The following DYNC1H1 variants were observed in gnomAD, a reference collection of about 807,000 sequenced individuals.
DYNC1H1 encodes the protein cytoplasmic dynein 1 heavy chain 1.
DYNC1H1 carries 51 observed loss-of-function variants against 527.1 expected under a neutral mutation model. The ratio of observed to expected loss-of-function variants is 0.10; its 90% CI spans 0.08 to 0.12. The LOEUF is 0.12. DYNC1H1 is among the 10% of genes least tolerant of loss of function. The pLI, the probability that DYNC1H1 is intolerant of heterozygous loss-of-function variation, is 1.00. For missense variants in DYNC1H1, 2,771 were observed against 5,971.8 expected (o/e 0.46, Z 17.66); for synonymous variants, 2,189 against 2,278.8 (o/e 0.96, Z 1.12).
At chr14:102,014,530 C>CAAAA (rs35266808) in intron 34 of DYNC1H1, among the ~76,000 whole-genome samples, 1 of 114,518 alleles carries the variant, frequency 8.7e-6, no homozygotes, top group African/African-American at 3.1e-5. Context: ...AACTCCATCT[C>CAAAA]AAAAAAAAAA....
chr14:102,049,422 T>G lies in DYNC1H1; in HGVS notation c.13373-18T>G. 1 of 1,613,814 alleles carries G rather than the reference T, an allele frequency of 6.2e-7. No individual in the cohort carries two copies. Among genetic ancestry groups the G allele is most frequent in the Non-Finnish European group, 8.5e-7 (1 of 1,180,040 alleles). ...TTGTGAGAGCTGACACCCTGGGCTC[T>G]GTGTGCCTTGGCTGCAGGGATCTTG... On this transcript the variant is annotated intron_variant, in intron 74 of 77. Transcript: ENST00000360184. This position sits in a 1 kb window ranked among gnomAD's most constrained non-coding sequence, Gnocchi z 5.5.
At chr14:102,014,112 AGAG>A (rs1246459433) in intron 34 of DYNC1H1, among the ~76,000 whole-genome samples, 1 of 152,202 alleles carries the variant, frequency 6.6e-6, no homozygotes, top group African/African-American at 2.4e-5. Context: ...CTAACTTGTC[AGAG>A]GAGATTAATC....
chr14:101,986,683 A>G lies in DYNC1H1; in HGVS notation c.2458A>G (p.Ile820Val). Residue 820 changes from isoleucine (I) to valine (V), a missense_variant, in exon 8 of 78, where the codon ATT (isoleucine) becomes GTT (valine). Coordinates refer to ENST00000360184, the MANE Select transcript of DYNC1H1 (RefSeq NM_001376.5). This position sits in a 1 kb window ranked among gnomAD's most constrained non-coding sequence, Gnocchi z 8.7. ...AGTGCAGGCCCTGATCGCAGAAGGCATTGCGTTGGTGTGGGAGTCCTACAA... is the reference window on the plus strand; with the variant it reads ...AGTGCAGGCCCTGATCGCAGAAGGCGTTGCGTTGGTGTGGGAGTCCTACAA... Reference protein sequence around the residue: ...KEVQALIAEGIALVWESYKLD... With the variant: ...KEVQALIAEGVALVWESYKLD... The G allele has an allele frequency of 1.2e-6, 2 of 1,614,170 alleles. No individual in the cohort carries two copies. Among genetic ancestry groups the G allele is most frequent in the Non-Finnish European group, 1.7e-6 (2 of 1,180,012 alleles).
intron 8 of DYNC1H1, 53 bp from the exon 9 acceptor site, chr14:101,987,400 A>T: frequency 6.5e-7 from 1 of 1,543,948 alleles, no homozygotes; most frequent in Non-Finnish European, 8.9e-7. Context: ...ATGTGAGAAT[A>T]AAGGAACAGA....
At position 102,039,001 on chromosome 14, in the gene DYNC1H1, G is replaced by A; in HGVS notation, c.11207G>A (p.Gly3736Glu). The A allele has an allele frequency of 6.2e-7, 1 of 1,614,008 alleles. No individual in the cohort carries two copies. The highest frequency in any genetic ancestry group is 8.5e-7 in the Non-Finnish European group (1 of 1,180,022). The change falls in exon 60 of 78, where the codon GGG becomes GAG. Residue 3736 changes from glycine to glutamate, a missense_variant and splice_region_variant. Around this residue, in one of 32 missense-constraint regions of DYNC1H1, gnomAD observed 283 missense variants for 737.6 expected, o/e 0.38. Coordinates refer to ENST00000360184, the MANE Select transcript of DYNC1H1 (RefSeq NM_001376.5). The surrounding 1 kb of genome is among the most constrained non-coding windows in gnomAD (Gnocchi z 7.0). ...EKRSDLLKLQGEFQLRLRQLE... is the reference protein window; with the variant it reads ...EKRSDLLKLQEEFQLRLRQLE... Reference sequence around the variant, plus strand: ...ACTCTGGATGTTTTATTCATTTAAGGGGAATTTCAGCTCCGTTTGCGTCAG... The same window carrying A: ...ACTCTGGATGTTTTATTCATTTAAGAGGAATTTCAGCTCCGTTTGCGTCAG...
At chr14:102,019,827 C>T (rs1484945984) in intron 41 of DYNC1H1, 66 bp from the exon 42 acceptor site, 4 of 1,600,146 alleles carry the variant, frequency 2.5e-6, no homozygotes, top group Non-Finnish European at 3.4e-6. Context: ...CCACATTTTA[C>T]CTTTTGACCA....
rs1359549868 is a variant in DYNC1H1, at chr14:102,044,723, A to G, written c.13006+25A>G. 2 of 1,563,850 alleles carry G rather than the reference A, an allele frequency of 1.3e-6. No individual in the cohort carries two copies. Among genetic ancestry groups the G allele is most frequent in the Non-Finnish European group, 1.8e-6 (2 of 1,138,346 alleles). Reference sequence around the variant, plus strand: ...GGTAGGCAACAAGGATCCTCCCCACACGCAGGGTGGGTGGCGAGGGTCCCC... The same window carrying G: ...GGTAGGCAACAAGGATCCTCCCCACGCGCAGGGTGGGTGGCGAGGGTCCCC... On this transcript the variant is annotated intron_variant, in intron 72 of 77. Transcript: ENST00000360184. The surrounding 1 kb of genome is among the most constrained non-coding windows in gnomAD (Gnocchi z 7.1).
chr14:102,042,957 T>C lies in DYNC1H1; in HGVS notation c.12513+209T>C. 1 of 621,712 alleles carries C rather than the reference T, an allele frequency of 1.6e-6. No individual in the cohort carries two copies. The highest frequency in any genetic ancestry group is 1.8e-5 in the South Asian group (1 of 57,098). The allele number at this position is 621,712 out of a possible 1,614,324, so 38.5% of individuals were successfully genotyped here. On this transcript the variant is annotated intron_variant, in intron 69 of 77. Transcript: ENST00000360184. This position sits in a 1 kb window ranked among gnomAD's most constrained non-coding sequence, Gnocchi z 5.7. ...ATCCTAGCACTTTGGAAGGTCGAGG[T>C]GGGAGGATCACTTGAGCCCAGGAGT... is the stretch of plus-strand genomic sequence containing the variant.
rs373958856 is a variant in DYNC1H1, at chr14:102,050,570, C to A, written c.*7C>A. On this transcript the variant is annotated 3_prime_UTR_variant, in exon 78 of 78. Coordinates refer to ENST00000360184, the MANE Select transcript of DYNC1H1 (RefSeq NM_001376.5). ...AGTCTTGTGCACAGAGTAAACTTTTCTAGCTGCCCCTTTCTGTAATAGTGA... is the reference window on the plus strand; with the variant it reads ...AGTCTTGTGCACAGAGTAAACTTTTATAGCTGCCCCTTTCTGTAATAGTGA... The A allele has an allele frequency of 4.3e-6, 7 of 1,614,096 alleles. No individual in the cohort carries two copies. Among genetic ancestry groups the A allele is most frequent in the Non-Finnish European group, 5.9e-6 (7 of 1,180,050 alleles).
intron 2 of DYNC1H1, among the ~76,000 whole-genome samples, chr14:101,976,269 A>G (rs2047799439): frequency 6.8e-6 from 1 of 147,752 alleles, no homozygotes; most frequent in Non-Finnish European, 1.5e-5. Flanking sequence ...CAAGCCCGGC[A>G]CGGTGGCTCA....
At position 101,986,878 on chromosome 14, in the gene DYNC1H1, G is replaced by T. The variant is rs574718716; in HGVS notation, c.2538+115G>T. On this transcript the variant is annotated intron_variant, in intron 8 of 77. Coordinates refer to ENST00000360184, the MANE Select transcript of DYNC1H1 (RefSeq NM_001376.5). The surrounding 1 kb of genome is among the most constrained non-coding windows in gnomAD (Gnocchi z 8.7). The stretch of plus-strand genomic sequence containing the variant: ...GGCATGCATGGTTGATGCAGCATAC[G>T]GCCATGTGAGCTGCAAGGGAGGAGG... 285 of 1,261,586 alleles carry T rather than the reference G, an allele frequency of 2.3e-4. 3 individuals are homozygous for T. In the South Asian group the frequency reaches 2.7e-3, roughly 12 times the overall value. The allele number at this position is 1,261,586 out of a possible 1,614,324, so 78.1% of individuals were successfully genotyped here.
rs144359313 is a variant in DYNC1H1 at position 101,995,231 on chromosome 14, T to C, written c.3495T>C (p.Asp1165=). ...CAGTAGACACGGCCAGCACCTCCGA[T>C]GCAGTGACCTTCATCACCTATGTGC... ...QHSVDTASTS[D]AVTFITYVQS... The change falls in exon 15 of 78, where the codon GAT becomes GAC. Residue 1165 remains aspartate (D), a synonymous_variant. Coordinates refer to ENST00000360184, the MANE Select transcript of DYNC1H1 (RefSeq NM_001376.5). The C allele has an allele frequency of 9.1e-5, 147 of 1,614,236 alleles. 1 individual carries two copies. In the African/African-American group the frequency reaches 1.8e-3, roughly 20 times the overall value.
chr14:102,018,472 C>G lies in DYNC1H1; in HGVS notation c.8199C>G (p.Val2733=), dbSNP rs770775119. Residue 2733 remains valine, a synonymous_variant, in exon 41 of 78, where the codon GTC becomes GTG. Transcript: ENST00000360184. The surrounding 1 kb of genome is among the most constrained non-coding windows in gnomAD (Gnocchi z 5.2). ...LSHRFLRHVP[V]VYVDYPGPAS... ...ACAGGTTCCTGCGCCACGTGCCTGT[C>G]GTGTATGTGGATTACCCGGGCCCCG... is the stretch of plus-strand genomic sequence containing the variant. 6 of 1,613,750 alleles carry G rather than the reference C, an allele frequency of 3.7e-6. No homozygotes were observed. Among genetic ancestry groups the G allele is most frequent in the Non-Finnish European group, 4.2e-6 (5 of 1,180,018 alleles).
Position 102,005,942 on chromosome 14 carries a change from A to G in DYNC1H1, c.5488A>G (p.Ile1830Val), listed in dbSNP as rs1316995979. 2.5e-6 allele frequency: 4 copies of G among 1,614,258 alleles called. No individual in the cohort carries two copies. Among genetic ancestry groups the G allele is most frequent in the Non-Finnish European group, 3.4e-6 (4 of 1,180,046 alleles). ...TACAAGGTCCTTGATCAAAAGCAAG[A>G]TTGACAACGCCAAATCTTTTGAATG... Reference protein sequence around the residue: ...DVTRSLIKSKIDNAKSFEWLS... With the variant: ...DVTRSLIKSKVDNAKSFEWLS... Residue 1830 changes from isoleucine (I) to valine (V), a missense_variant, in exon 27 of 78, where the codon ATT becomes GTT. Around this residue, in one of 32 missense-constraint regions of DYNC1H1, gnomAD observed 64 missense variants for 143.4 expected, o/e 0.45. Transcript: ENST00000360184. This position sits in a 1 kb window ranked among gnomAD's most constrained non-coding sequence, Gnocchi z 4.0.
rs1290030171 is a variant in DYNC1H1 at position 102,053,803 on chromosome 14, G to A, written c.*3240G>A. 6 of 149,508 alleles carry A rather than the reference G, an allele frequency of 4.0e-5. No homozygotes were observed. The highest frequency in any genetic ancestry group is 3.3e-4 in the Admixed American group (5 of 14,960). The allele number at this position is 149,508 out of a possible 1,614,324, so 9.3% of individuals were successfully genotyped here. On this transcript the variant is annotated 3_prime_UTR_variant, in exon 78 of 78. Coordinates refer to ENST00000360184, the MANE Select transcript of DYNC1H1 (RefSeq NM_001376.5). ...GCTCTGTCACTGAGGCTGGAGTGCA[G>A]TGATGCAACCTCATCTCACTGCAGC...
Position 102,015,420 on chromosome 14 carries a change from G to A in DYNC1H1, c.7242+88G>A. 7.0e-7 allele frequency: 1 copy of A among 1,428,152 alleles called. No homozygotes were observed. The highest frequency in any genetic ancestry group is 2.1e-5 in the Admixed American group (1 of 48,204). 88.5% of individuals were successfully genotyped at this position (1,428,152 alleles called of 1,614,324 possible). A position where few individuals can be genotyped will look rare whatever the true frequency, so the allele number is the denominator to read the frequency against. ...TCGCTGTGTTGCCCACGCTGGTCTT[G>A]AACTCCTGGGCCCAAGCAATCCACC... On this transcript the variant is annotated intron_variant, in intron 35 of 77. Coordinates refer to ENST00000360184, the MANE Select transcript of DYNC1H1 (RefSeq NM_001376.5). This position sits in a 1 kb window ranked among gnomAD's most constrained non-coding sequence, Gnocchi z 6.9.
chr14:101,999,370 T>C (rs950717483), intron 16 of DYNC1H1, among the ~76,000 whole-genome samples: 8 of 152,094 alleles, frequency 5.3e-5, no homozygotes, highest in African/African-American at 1.7e-4. Flanking sequence ...CGCAAACTCC[T>C]GAACTCAAGC....
rs1332397506 is a variant in DYNC1H1, at chr14:102,018,916, A to G, written c.8343+300A>G. On this transcript the variant is annotated intron_variant, in intron 41 of 77. Coordinates refer to ENST00000360184, the MANE Select transcript of DYNC1H1 (RefSeq NM_001376.5). This position sits in a 1 kb window ranked among gnomAD's most constrained non-coding sequence, Gnocchi z 5.2. The stretch of plus-strand genomic sequence containing the variant: ...CGATGAGCCATGATTGTGCCACTGC[A>G]CCAGCCTGGGTGACAGAGTGAGACT... 6.6e-6 allele frequency among the ~76,000 whole-genome samples: 1 copy of G among 152,180 alleles called. No homozygotes were observed. Among genetic ancestry groups the G allele is most frequent in the African/African-American group, 2.4e-5 (1 of 41,442 alleles).
In DYNC1H1 at chr14:101,985,608, G is replaced by A. The variant is rs2047927790; in HGVS notation, c.1462-79G>A. On this transcript the variant is annotated intron_variant, in intron 7 of 77. Coordinates refer to ENST00000360184, the MANE Select transcript of DYNC1H1 (RefSeq NM_001376.5). This position sits in a 1 kb window ranked among gnomAD's most constrained non-coding sequence, Gnocchi z 5.9. ...CAAAGTGCTGGGATTACAGGTGTGA[G>A]CCACTGCACCCGGCTTAAAATAAAT... The A allele has an allele frequency of 2.0e-6, 3 of 1,524,760 alleles. No homozygotes were observed. Among genetic ancestry groups the A allele is most frequent in the Admixed American group, 1.7e-5 (1 of 59,498 alleles). The allele number at this position is 1,524,760 out of a possible 1,614,324, so 94.5% of individuals were successfully genotyped here. A position where few individuals can be genotyped will look rare whatever the true frequency, so the allele number is the denominator to read the frequency against.
Sources: gnomAD v4.1 joint callset for allele counts (sites outside exome capture counted in the v4.1 genomes callset) on GRCh38, gnomAD v4.1.1 for gene constraint, gnomAD v4.1.1 regional missense constraint, Gnocchi (gnomAD v3.1) non-coding constraint, MANE v1.5 for transcripts, NCBI Gene and HGNC (gene_info 2026-07-23, HGNC 2026-07-21) for gene names.